Variants in PATJ observed in about 807,000 individuals in gnomAD.
PATJ encodes the protein inaD-like protein.
A neutral mutation model predicts 224.9 loss-of-function variants in PATJ; 190 were observed. That is an observed-to-expected ratio of 0.84 (90% CI 0.75 to 0.95). PATJ has a LOEUF of 0.95. PATJ is among the 40% of genes least tolerant of loss of function. The probability of loss-of-function intolerance (pLI) is 0.00; values close to 1 mark genes in which losing one functional copy is unlikely to be tolerated. For synonymous variants in PATJ, 769 were observed against 820.3 expected (o/e 0.94, Z 1.07); for missense variants, 2,121 against 2,270.3 (o/e 0.93, Z 1.34).
At chr1:61,945,436 C>CTG (rs1338813670) in intron 27 of PATJ, among the ~76,000 whole-genome samples, 2 of 151,800 alleles carry the variant, frequency 1.3e-5, no homozygotes, top group Non-Finnish European at 2.9e-5. Flanking sequence ...ATCCTAGTCT[C>CTG]TGATAAAACA....
chr1:61,996,842 A>G lies in PATJ; in HGVS notation c.3867+6478A>G, dbSNP rs1380225357. ...ACAGCAACCTCTGCTTCCTAGGTCC[A>G]AGTGATTCTTGTGCCTCAGCCTCCC... On this transcript the variant is annotated intron_variant, in intron 28 of 43. Transcript: ENST00000642238. 7.4e-5 allele frequency among the ~76,000 whole-genome samples: 11 copies of G among 148,774 alleles called. No homozygotes were observed. The Admixed American group carries it at 7.5e-4, about 10-fold the overall frequency.
intron 18 of PATJ, among the ~76,000 whole-genome samples, chr1:61,858,351 C>T (rs1418806445): frequency 6.6e-6 from 1 of 152,168 alleles, no homozygotes; most frequent in African/African-American, 2.4e-5. Context: ...CAACCTCCAT[C>T]TCCCAGGTTC....
rs182120789 is a variant in PATJ at position 61,818,367 on chromosome 1, A to T, written c.1684-4578A>T. On this transcript the variant is annotated intron_variant, in intron 14 of 43. Transcript: ENST00000642238. ...TTGAATAAGCATCAAAAAGCATGAC[A>T]TGCGGTGTGTGTGAAGGCACCAGTC... Among the ~76,000 whole-genome samples, 99 of 152,348 alleles carry T rather than the reference A, an allele frequency of 6.5e-4. 1 individual carries two copies. The highest frequency in any genetic ancestry group is 1.2e-3 in the South Asian group (6 of 4,832).
chr1:62,102,859 CAAAAA>C (rs1162014751), intron 33 of PATJ, among the ~76,000 whole-genome samples: 1 of 47,006 alleles, frequency 2.1e-5, no homozygotes, highest in African/African-American at 7.1e-5. Flanking sequence ...TACCCTGTCT[CAAAAA>C]AAAAAAAAAA....
Position 61,856,110 on chromosome 1 carries a change from A to C in PATJ, c.2193A>C (p.Leu731=), listed in dbSNP as rs576695397. Residue 731 remains leucine, a synonymous_variant, in exon 18 of 44, where the codon CTA becomes CTC. Transcript: ENST00000642238. ...GTGTAGCAGAAAGAAGTGGGGGACT[A>C]TTACCTGGAGACCGCCTGGTCTCAG... ...ADGVAERSGG[L]LPGDRLVSVN... The C allele has an allele frequency of 1.2e-6, 2 of 1,614,008 alleles. No individual in the cohort carries two copies. The highest frequency in any genetic ancestry group is 2.2e-5 in the South Asian group (2 of 91,076).
chr1:62,074,391 T>C (rs1467572875), intron 31 of PATJ, among the ~76,000 whole-genome samples: 1 of 151,934 alleles, frequency 6.6e-6, no homozygotes, highest in Non-Finnish European at 1.5e-5. Context: ...AGATACAGAA[T>C]GAACCTTAAA....
At chr1:61,903,056 G>A (rs1472980004) in intron 24 of PATJ, among the ~76,000 whole-genome samples, 1 of 152,154 alleles carries the variant, frequency 6.6e-6, no homozygotes, top group Non-Finnish European at 1.5e-5. Flanking sequence ...GGAGTGATGG[G>A]AAGCCACATC....
At chr1:62,032,020 C>T (rs61777660) in intron 29 of PATJ, among the ~76,000 whole-genome samples, 53,940 of 151,794 alleles carry the variant, frequency 0.36, 10,352 homozygotes, top group Middle Eastern at 0.47. Flanking sequence ...CAAAATTGAA[C>T]GGCAGAAAAC....
At chr1:61,970,558 T>C (rs1682827840) in intron 27 of PATJ, among the ~76,000 whole-genome samples, 1 of 152,200 alleles carries the variant, frequency 6.6e-6, no homozygotes, top group Non-Finnish European at 1.5e-5. Flanking sequence ...AGTGGTGCGA[T>C]GACAGCTCAC....
chr1:61,888,754 G>A (rs1669211905), intron 22 of PATJ, among the ~76,000 whole-genome samples: 1 of 152,158 alleles, frequency 6.6e-6, no homozygotes, highest in Admixed American at 6.5e-5. Context: ...TGGAGCATCA[G>A]TTGTTCTTAC....
intron 1 of PATJ, among the ~76,000 whole-genome samples, chr1:61,752,148 A>AAT (rs1400864309): frequency 6.0e-5 from 9 of 151,076 alleles, no homozygotes; most frequent in Non-Finnish European, 1.3e-4. Flanking sequence ...CAAAAAAAAA[A>AAT]AAAAAAGAAG....
At chr1:61,788,078 C>T (rs977365458) in intron 8 of PATJ, 106 bp downstream of exon 8, 80 of 816,314 alleles carry the variant, frequency 9.8e-5, no homozygotes, top group Non-Finnish European at 1.4e-4. Context: ...GTGAGTTGTG[C>T]GCTCACTAGT....
At chr1:62,079,670 C>A in intron 32 of PATJ, 103 bp downstream of exon 32, 1 of 737,842 alleles carries the variant, frequency 1.4e-6, no homozygotes, top group Non-Finnish European at 2.4e-6. Flanking sequence ...AGAAGTCTGA[C>A]TCTGGATACT....
At chr1:61,863,604 G>T (rs1007688108) in intron 19 of PATJ, among the ~76,000 whole-genome samples, 6 of 152,174 alleles carry the variant, frequency 3.9e-5, no homozygotes, top group Admixed American at 1.3e-4. Flanking sequence ...AGTTTCAGTG[G>T]TATGCACTAG....
chr1:62,152,824 A>T (rs1337265122), intron 42 of PATJ, among the ~76,000 whole-genome samples: 3 of 151,866 alleles, frequency 2.0e-5, no homozygotes, highest in African/African-American at 7.3e-5. Context: ...AGCTTCCTTC[A>T]GCTGTCAGCA....
At chr1:61,754,863 C>T (rs1227612831) in intron 1 of PATJ, among the ~76,000 whole-genome samples, 1 of 151,858 alleles carries the variant, frequency 6.6e-6, no homozygotes, top group Non-Finnish European at 1.5e-5. Context: ...AGTTCAAATA[C>T]AGCCTGGGCA....
chr1:61,851,706 T>G (rs1662832620), intron 17 of PATJ, among the ~76,000 whole-genome samples: 2 of 152,022 alleles, frequency 1.3e-5, no homozygotes, highest in South Asian at 4.1e-4. Context: ...AATTGACTCA[T>G]GGGGGCAAGA....
In PATJ at chr1:61,885,284, C is replaced by T. The variant is rs374545948; in HGVS notation, c.3131+876C>T. Among the ~76,000 whole-genome samples, 442 of 152,204 alleles carry T rather than the reference C, an allele frequency of 2.9e-3. 1 individual carries two copies. Among genetic ancestry groups the T allele is most frequent in the African/African-American group, 0.01 (425 of 41,536 alleles). ...AAATTTTCGCAACCTACTCATCTGA[C>T]AAAGGGCTAATATCCAGAATCTACA... On this transcript the variant is annotated intron_variant, in intron 22 of 43. Transcript: ENST00000642238.
At chr1:61,748,375 C>G (rs372422520) in intron 1 of PATJ, among the ~76,000 whole-genome samples, 38 of 150,582 alleles carry the variant, frequency 2.5e-4, no homozygotes, top group Middle Eastern at 7.0e-3. Flanking sequence ...CTGCCTCAGC[C>G]TCCTGAGTTG....
Sources: gnomAD v4.1 joint callset for allele counts (sites outside exome capture counted in the v4.1 genomes callset) on GRCh38, gnomAD v4.1.1 for gene constraint, MANE v1.5 for transcripts, NCBI Gene and HGNC (gene_info 2026-07-23, HGNC 2026-07-21) for gene names.